The following IL1RAPL1 variants were observed in gnomAD, a reference collection of about 807,000 sequenced individuals.
The protein encoded by IL1RAPL1 is interleukin 1 receptor accessory protein like 1.
Under a neutral mutation model 48.4 loss-of-function variants are expected in IL1RAPL1, and 3 were observed. That is an observed-to-expected ratio of 0.06 (90% CI 0.03 to 0.16). The LOEUF is 0.16. Ranked by LOEUF, IL1RAPL1 falls within the 10% of genes least tolerant of loss-of-function variation. The pLI is 1.00. For synonymous variants in IL1RAPL1, 185 were observed against 187.7 expected, an observed-to-expected ratio of 0.99 and a Z score of 0.12; for missense variants, 349 against 530.6, an observed-to-expected ratio of 0.66 and a Z score of 3.36.
chrX:28,774,602 C>T (rs772775680), intron 1 of IL1RAPL1, among the ~76,000 whole-genome samples: 20 of 111,803 alleles, frequency 1.8e-4, no homozygotes, highest in Admixed American at 5.7e-4. Context: ...AGTGAGTAAA[C>T]GAGAAAATGT....
chrX:29,110,433 AGTCT>A (rs1928538958), intron 2 of IL1RAPL1, among the ~76,000 whole-genome samples: 1 of 111,881 alleles, frequency 8.9e-6, no homozygotes, highest in Non-Finnish European at 1.9e-5. Context: ...ATTGTACTGA[AGTCT>A]GTTAAACATT....
chrX:29,177,931 T>G (rs765930480), intron 2 of IL1RAPL1, among the ~76,000 whole-genome samples: 15 of 112,326 alleles, frequency 1.3e-4, no homozygotes, highest in South Asian at 3.7e-4. Flanking sequence ...ATTCATCCTT[T>G]TTTATGGCTG....
chrX:29,250,455 T>C (rs1245970882), intron 2 of IL1RAPL1, among the ~76,000 whole-genome samples: 5 of 110,761 alleles, frequency 4.5e-5, no homozygotes, highest in Non-Finnish European at 9.5e-5. Flanking sequence ...GCCAGTTTAC[T>C]GAGTGCTGAG....
intron 6 of IL1RAPL1, among the ~76,000 whole-genome samples, chrX:29,815,138 G>A (rs1370606742): frequency 1.8e-5 from 2 of 111,378 alleles, no homozygotes; most frequent in Non-Finnish European, 3.8e-5. Flanking sequence ...TAGTTTGGCA[G>A]GAATAACGCT....
intron 1 of IL1RAPL1, among the ~76,000 whole-genome samples, chrX:28,682,468 G>A (rs750762097): frequency 2.7e-5 from 3 of 110,546 alleles, no homozygotes; most frequent in South Asian, 7.8e-4. Flanking sequence ...ACCACCACAC[G>A]CAGCTAATTT....
chrX:29,253,510 A>G (rs1402172837), intron 2 of IL1RAPL1, among the ~76,000 whole-genome samples: 1 of 111,244 alleles, frequency 9.0e-6, no homozygotes, highest in Non-Finnish European at 1.9e-5. Context: ...ACTAACATAT[A>G]TATGTAGTGA....
chrX:28,769,292 A>C (rs189195433), intron 1 of IL1RAPL1, among the ~76,000 whole-genome samples: 5 of 111,042 alleles, frequency 4.5e-5, no homozygotes, highest in Admixed American at 9.7e-5. Flanking sequence ...TTAGTTTAGC[A>C]TAAGTGTTCT....
intron 3 of IL1RAPL1, among the ~76,000 whole-genome samples, chrX:29,345,007 T>C (rs965699714): frequency 3.5e-5 from 4 of 112,841 alleles, no homozygotes; most frequent in Non-Finnish European, 7.5e-5. Flanking sequence ...GTTTCGTAGA[T>C]CATCTTTTTA....
intron 2 of IL1RAPL1, among the ~76,000 whole-genome samples, chrX:29,226,598 A>T (rs1450758630): frequency 9.2e-6 from 1 of 108,323 alleles, no homozygotes; most frequent in Non-Finnish European, 1.9e-5. Flanking sequence ...CATCTGGCTA[A>T]TTTTTTTTGT....
intron 5 of IL1RAPL1, among the ~76,000 whole-genome samples, chrX:29,597,996 CTTTTGTAA>C (rs1161384465): frequency 1.8e-5 from 2 of 110,511 alleles, no homozygotes; most frequent in Non-Finnish European, 3.8e-5. Context: ...TTTCATTTAT[CTTTTGTAA>C]TTTTTTGTTT....
intron 2 of IL1RAPL1, among the ~76,000 whole-genome samples, chrX:29,281,991 G>A (rs1036303991): frequency 1.8e-5 from 2 of 111,203 alleles, no homozygotes; most frequent in African/African-American, 6.6e-5. Context: ...AATCACGATG[G>A]AGAGAAAGAG....
intron 1 of IL1RAPL1, among the ~76,000 whole-genome samples, chrX:28,599,939 G>A (rs964090071): frequency 8.9e-6 from 1 of 111,980 alleles, no homozygotes; most frequent in Non-Finnish European, 1.9e-5. Flanking sequence ...GGGGGTTGGG[G>A]CTTTCTGTTT....
At chrX:28,801,226 C>A (rs1436177931) in intron 2 of IL1RAPL1, among the ~76,000 whole-genome samples, 2 of 111,079 alleles carry the variant, frequency 1.8e-5, no homozygotes, top group Non-Finnish European at 3.8e-5. Context: ...AGAAATTATG[C>A]TTTTTCTATT....
intron 2 of IL1RAPL1, among the ~76,000 whole-genome samples, chrX:28,840,189 A>C (rs761081893): frequency 9.3e-5 from 10 of 107,566 alleles, no homozygotes; most frequent in Non-Finnish European, 1.5e-4. Flanking sequence ...TGAAATATAT[A>C]CTTAAAGAAT....
At chrX:29,730,344 G>T (rs980343453) in intron 6 of IL1RAPL1, among the ~76,000 whole-genome samples, 1 of 112,064 alleles carries the variant, frequency 8.9e-6, no homozygotes, top group Non-Finnish European at 1.9e-5. Context: ...GGATGCTGGA[G>T]ATACAAGTAA....
chrX:29,525,245 C>T (rs762728404), intron 5 of IL1RAPL1, among the ~76,000 whole-genome samples: 5 of 112,010 alleles, frequency 4.5e-5, no homozygotes, highest in Admixed American at 3.8e-4. Flanking sequence ...CAATATACCA[C>T]GAATACCTTA....
At chrX:29,309,461 A>G (rs1313903412) in intron 3 of IL1RAPL1, among the ~76,000 whole-genome samples, 1 of 111,883 alleles carries the variant, frequency 8.9e-6, no homozygotes, top group Non-Finnish European at 1.9e-5. Context: ...GAAGATTTAC[A>G]TCTCAAAGGG....
chrX:29,144,919 G>T (rs1209919242), intron 2 of IL1RAPL1, among the ~76,000 whole-genome samples: 1 of 108,671 alleles, frequency 9.2e-6, no homozygotes, highest in Non-Finnish European at 1.9e-5. Context: ...AGTAGAGACA[G>T]GGTTTCACTA....
At chrX:29,048,632 T>A (rs1478978029) in intron 2 of IL1RAPL1, among the ~76,000 whole-genome samples, 1 of 112,062 alleles carries the variant, frequency 8.9e-6, no homozygotes, top group Non-Finnish European at 1.9e-5. Context: ...GAGAGGAAAA[T>A]TAGGGAAGGA....
Sources: gnomAD v4.1 joint callset for allele counts (sites outside exome capture counted in the v4.1 genomes callset) on GRCh38, gnomAD v4.1.1 for gene constraint, MANE v1.5 for transcripts, NCBI Gene and HGNC (gene_info 2026-07-23, HGNC 2026-07-21) for gene names.